The following SPEF2 variants were observed in gnomAD, a reference collection of about 807,000 sequenced individuals.
SPEF2 encodes sperm flagella and cilia-associated protein 2.
Under a neutral mutation model 224.6 loss-of-function variants are expected in SPEF2, and 187 were observed. The observed-to-expected ratio is 0.83, with a 90% CI of 0.74 to 0.94. The LOEUF is 0.94. Among genes scored for constraint, SPEF2 ranks in the 40% least tolerant of loss-of-function variants. The probability of loss-of-function intolerance (pLI) is 0.00; values close to 1 mark genes in which losing one functional copy is unlikely to be tolerated. For synonymous variants in SPEF2, 715 were observed against 707.3 expected, an observed-to-expected ratio of 1.01 and a Z score of -0.17; for missense variants, 2,170 against 2,135.6, an observed-to-expected ratio of 1.02 and a Z score of -0.32.
chr5:35,715,657 G>T lies in SPEF2; in HGVS notation c.2914+2771G>T, dbSNP rs571387714. 3.3e-5 allele frequency among the ~76,000 whole-genome samples: 5 copies of T among 152,066 alleles called. No homozygotes were observed. The East Asian group carries it at 7.7e-4, about 24-fold the overall frequency. On this transcript the variant is annotated intron_variant, in intron 20 of 36. Coordinates refer to ENST00000356031, the MANE Select transcript of SPEF2 (RefSeq NM_024867.4). ...GTTCAGAAAAAAACTCGTGGCTCAG[G>T]TTTAGTATCTGTGCAAGGACCTAGA...
chr5:35,691,301 C>T, intron 11 of SPEF2, 45 bp downstream of exon 11: 1 of 1,461,114 alleles, frequency 6.8e-7, no homozygotes, highest in Non-Finnish European at 9.6e-7. Context: ...GTCCTATTTA[C>T]ACTGACTGTA....
At chr5:35,789,073 A>G (rs1472052734) in intron 30 of SPEF2, 2 of 681,876 alleles carry the variant, frequency 2.9e-6, no homozygotes, top group African/African-American at 1.8e-5. Context: ...CTTTTTCAGA[A>G]TCACAGAAAA....
chr5:35,800,182 T>G (rs1164631861), intron 34 of SPEF2, 35 bp downstream of exon 34: 7 of 1,596,758 alleles, frequency 4.4e-6, no homozygotes, highest in Non-Finnish European at 6.0e-6. Flanking sequence ...AACTATAGAG[T>G]CTAGAGGGGA....
intron 34 of SPEF2, among the ~76,000 whole-genome samples, chr5:35,803,090 T>C (rs995605969): frequency 6.6e-6 from 1 of 152,184 alleles, no homozygotes; most frequent in African/African-American, 2.4e-5. Flanking sequence ...TTGATTAGTA[T>C]TTGTGAACAT....
chr5:35,637,129 A>G (rs936837483), intron 2 of SPEF2, among the ~76,000 whole-genome samples: 2 of 152,088 alleles, frequency 1.3e-5, no homozygotes, highest in African/African-American at 4.8e-5. Context: ...GCCGGTTTTC[A>G]TAGCCACCAT....
intron 26 of SPEF2, among the ~76,000 whole-genome samples, chr5:35,769,013 G>A (rs1752445130): frequency 6.6e-6 from 1 of 152,120 alleles, no homozygotes; most frequent in Non-Finnish European, 1.5e-5. Context: ...CACCCACAAT[G>A]TCAAGGCATT....
chr5:35,778,068 A>G (rs542485419), intron 29 of SPEF2, among the ~76,000 whole-genome samples: 1 of 152,342 alleles, frequency 6.6e-6, no homozygotes, highest in African/African-American at 2.4e-5. Flanking sequence ...ATTCTAGAGT[A>G]TCTTTTGAAA....
At position 35,740,158 on chromosome 5, in the gene SPEF2, C is replaced by T. The variant is rs775672967; in HGVS notation, c.3221C>T (p.Pro1074Leu). The T allele has an allele frequency of 6.2e-6, 10 of 1,613,904 alleles. No homozygotes were observed. In the African/African-American group the frequency reaches 1.1e-4, roughly 17 times the overall value. Reference protein sequence around the residue: ...RTSFQEFLKRPDHKQDFVAQW... With the variant: ...RTSFQEFLKRLDHKQDFVAQW... ...AGTTTCCAGGAGTTTCTAAAGCGTC[C>T]GGATCACAAGCAAGATTTTGTAGCT... The change falls in exon 23 of 37, where the codon CCG (proline) becomes CTG (leucine). Residue 1074 changes from proline to leucine, a missense_variant. Physicochemically the swap from Pro to Leu is moderately conservative, Grantham distance 98 (BLOSUM62 -3). Transcript: ENST00000356031.
chr5:35,777,741 C>T (rs1444731976), intron 29 of SPEF2, among the ~76,000 whole-genome samples: 3 of 151,760 alleles, frequency 2.0e-5, no homozygotes, highest in Non-Finnish European at 4.4e-5. Context: ...ACCTTCAAAT[C>T]CTGTTCTTAT....
intron 10 of SPEF2, among the ~76,000 whole-genome samples, chr5:35,689,042 T>TTTCTATC (rs1227329661): frequency 6.6e-6 from 1 of 152,188 alleles, no homozygotes; most frequent in Non-Finnish European, 1.5e-5. Context: ...ACAGGAAAGC[T>TTTCTATC]TTCTATCTTC....
intron 1 of SPEF2, among the ~76,000 whole-genome samples, chr5:35,627,887 T>TCAGTAATTGCATAGGACAATAACTGGGC: frequency 1.3e-5 from 2 of 152,136 alleles, no homozygotes; most frequent in Non-Finnish European, 2.9e-5. Flanking sequence ...GGGCTATCTC[T>TCAGTAATTGCATAGGACAATAACTGGGC]CAGTAATTGC....
chr5:35,676,897 C>T (rs1179994421), intron 10 of SPEF2, among the ~76,000 whole-genome samples: 1 of 151,984 alleles, frequency 6.6e-6, no homozygotes, highest in African/African-American at 2.4e-5. Context: ...CTAAAAGACA[C>T]CCCCCACACC....
intron 28 of SPEF2, among the ~76,000 whole-genome samples, chr5:35,774,906 A>C (rs1169150049): frequency 1.3e-5 from 2 of 152,166 alleles, no homozygotes; most frequent in East Asian, 3.9e-4. Flanking sequence ...TCCAGGACAG[A>C]TGCATCTCCC....
intron 27 of SPEF2, among the ~76,000 whole-genome samples, chr5:35,772,748 C>A (rs542442661): frequency 2.0e-5 from 3 of 152,296 alleles, no homozygotes; most frequent in Admixed American, 2.0e-4. Flanking sequence ...TTAATGGAAT[C>A]ACTGTTGGGG....
chr5:35,739,209 G>A (rs73747926), intron 21 of SPEF2, among the ~76,000 whole-genome samples: 2,014 of 152,182 alleles, frequency 0.013, 48 homozygotes, highest in African/African-American at 0.047. Context: ...AAACAAGACA[G>A]TTTCTGTGTT....
At chr5:35,715,381 T>A (rs926178216) in intron 20 of SPEF2, among the ~76,000 whole-genome samples, 31 of 148,974 alleles carry the variant, frequency 2.1e-4, no homozygotes, top group East Asian at 1.7e-3. Flanking sequence ...CTTCCAGTTT[T>A]AAAAAAAAAA....
intron 33 of SPEF2, 102 bp from the exon 34 acceptor site, chr5:35,799,866 G>A: frequency 1.6e-6 from 2 of 1,252,298 alleles, no homozygotes; most frequent in South Asian, 2.9e-5. Flanking sequence ...TCCTCAGAAG[G>A]CAACCTTATT....
In SPEF2 at chr5:35,691,263, T is replaced by C; in HGVS notation, c.1744+7T>C. 1 of 1,608,326 alleles carries C rather than the reference T, an allele frequency of 6.2e-7. No homozygotes were observed. Among genetic ancestry groups the C allele is most frequent in the Non-Finnish European group, 8.5e-7 (1 of 1,175,178 alleles). ...TTAAGGTCTCTACAAAAAGGTAGAATTTCTTCTCCTACTCTCCCTGCCATT... is the reference window on the plus strand; with the variant it reads ...TTAAGGTCTCTACAAAAAGGTAGAACTTCTTCTCCTACTCTCCCTGCCATT... On this transcript the variant is annotated splice_region_variant and intron_variant, in intron 11 of 36. Coordinates refer to ENST00000356031, the MANE Select transcript of SPEF2 (RefSeq NM_024867.4).
At chr5:35,764,939 G>A (rs377697272) in intron 26 of SPEF2, among the ~76,000 whole-genome samples, 15 of 152,220 alleles carry the variant, frequency 9.9e-5, no homozygotes, top group East Asian at 9.7e-4. Flanking sequence ...GAAAATGCAT[G>A]AATTATAATT....
Sources: gnomAD v4.1 joint callset for allele counts (sites outside exome capture counted in the v4.1 genomes callset) on GRCh38, gnomAD v4.1.1 for gene constraint, MANE v1.5 for transcripts, NCBI Gene and HGNC (gene_info 2026-07-23, HGNC 2026-07-21) for gene names.